The following BNC2 variants were observed in gnomAD, a reference collection of about 807,000 sequenced individuals.
BNC2 encodes zinc finger protein basonuclin-2.
Under a neutral mutation model 76.3 loss-of-function variants are expected in BNC2, and 20 were observed. The ratio of observed to expected loss-of-function variants is 0.26; its 90% CI spans 0.18 to 0.38. The LOEUF is 0.38. Among genes scored for constraint, BNC2 ranks in the 10% least tolerant of loss-of-function variants. The pLI is 1.00. For missense variants in BNC2, 1,382 were observed against 1,399.8 expected (o/e 0.99, Z 0.20); for synonymous variants, 582 against 514.8 (o/e 1.13, Z -1.77).
intron 4 of BNC2, among the ~76,000 whole-genome samples, chr9:16,559,512 T>C (rs1290734073): frequency 6.6e-6 from 1 of 152,244 alleles, no homozygotes; most frequent in Non-Finnish European, 1.5e-5. Context: ...TAAGGTCACT[T>C]AGCAACTTCA....
chr9:16,589,635 A>G (rs566877347), intron 3 of BNC2, among the ~76,000 whole-genome samples: 3 of 151,996 alleles, frequency 2.0e-5, no homozygotes, highest in Admixed American at 6.6e-5. Flanking sequence ...CAGCCTCCTG[A>G]GTAGCTGGGA....
chr9:16,655,750 C>T (rs1343890928), intron 3 of BNC2, among the ~76,000 whole-genome samples: 1 of 152,190 alleles, frequency 6.6e-6, no homozygotes, highest in Non-Finnish European at 1.5e-5. Context: ...AACTACCAAA[C>T]TGTTCCAAAT....
In BNC2 at chr9:16,659,305, G is replaced by A. The variant is rs549712181; in HGVS notation, c.330+68492C>T. ...AGGACCCCTGTTCACTGGCAACCAC[G>A]CTGCTTCTCAAAATCCCAAGCTTGC... On this transcript the variant is annotated intron_variant, in intron 3 of 6. Coordinates refer to ENST00000380672, the MANE Select transcript of BNC2 (RefSeq NM_017637.6). 3.9e-5 allele frequency among the ~76,000 whole-genome samples: 6 copies of A among 152,236 alleles called. No individual in the cohort carries two copies. In the East Asian group the frequency reaches 5.8e-4, roughly 15 times the overall value.
At chr9:16,440,558 C>T (rs1021075621) in intron 5 of BNC2, among the ~76,000 whole-genome samples, 1 of 151,692 alleles carries the variant, frequency 6.6e-6, no homozygotes, top group African/African-American at 2.4e-5. Context: ...CAGTGATATA[C>T]TTATACAACT....
In BNC2 at chr9:16,435,712, A is replaced by C; in HGVS notation, c.2482T>G (p.Ser828Ala). ...QKFSPEGDLC[S>A]SPDPKICYVC... Reference sequence around the variant, plus strand: ...TAACAGATTTTGGGGTCTGGGCTAGAACATAGGTCACCTTCTGGGGAGAAC... The same window carrying C: ...TAACAGATTTTGGGGTCTGGGCTAGCACATAGGTCACCTTCTGGGGAGAAC... The change falls in exon 6 of 7, where the codon TCT (serine) becomes GCT (alanine). Residue 828 changes from serine to alanine, a missense_variant. Physicochemically the swap from Ser to Ala is moderately conservative, Grantham distance 99. Transcript: ENST00000380672. 1 of 1,614,140 alleles carries C rather than the reference A, an allele frequency of 6.2e-7. No homozygotes were observed. The highest frequency in any genetic ancestry group is 1.6e-4 in the Middle Eastern group (1 of 6,062).
chr9:16,688,635 T>G (rs1436021522), intron 3 of BNC2, among the ~76,000 whole-genome samples: 1 of 152,230 alleles, frequency 6.6e-6, no homozygotes, highest in African/African-American at 2.4e-5. Context: ...TACTTAACTT[T>G]TATTCTTTTT....
intron 5 of BNC2, among the ~76,000 whole-genome samples, chr9:16,546,109 C>A (rs2132445611): frequency 6.6e-6 from 1 of 152,258 alleles, no homozygotes; most frequent in East Asian, 1.9e-4. Flanking sequence ...ACTGATATTT[C>A]TCTGTTATAA....
At chr9:16,768,375 A>G (rs1825750292) in intron 1 of BNC2, among the ~76,000 whole-genome samples, 1 of 152,176 alleles carries the variant, frequency 6.6e-6, no homozygotes, top group African/African-American at 2.4e-5. Flanking sequence ...CAATCTTCCT[A>G]TTCAGAAGAT....
chr9:16,489,895 G>A (rs1032062490), intron 5 of BNC2, among the ~76,000 whole-genome samples: 10 of 152,280 alleles, frequency 6.6e-5, no homozygotes, highest in African/African-American at 2.4e-4. Flanking sequence ...AAGAGCCCTC[G>A]TGTATCTGCC....
chr9:16,511,159 G>C (rs557496193), intron 5 of BNC2, among the ~76,000 whole-genome samples: 1 of 149,212 alleles, frequency 6.7e-6, no homozygotes, highest in South Asian at 2.1e-4. Context: ...ACCCAGGCTG[G>C]AGTGCAGTGG....
At chr9:16,745,746 G>A (rs146066368) in intron 1 of BNC2, among the ~76,000 whole-genome samples, 4 of 152,136 alleles carry the variant, frequency 2.6e-5, no homozygotes, top group African/African-American at 4.8e-5. Flanking sequence ...TTACTTTTCC[G>A]TTTTCCTAAA....
rs1409502539 is a variant in BNC2 at position 16,552,776 on chromosome 9, C to T, written c.434-11G>A. On this transcript the variant is annotated splice_polypyrimidine_tract_variant and intron_variant, in intron 4 of 6. Transcript: ENST00000380672. Reference sequence around the variant, plus strand: ...TGAGCTTATCCAAGGCTGTGGTGGTCCCGCCAAAGTTCCAGAGATGGGGGT... The same window carrying T: ...TGAGCTTATCCAAGGCTGTGGTGGTTCCGCCAAAGTTCCAGAGATGGGGGT... 6.2e-7 allele frequency: 1 copy of T among 1,609,650 alleles called. No individual in the cohort carries two copies. The highest frequency in any genetic ancestry group is 1.3e-5 in the African/African-American group (1 of 74,720).
At chr9:16,617,547 A>G (rs1563865757) in intron 3 of BNC2, among the ~76,000 whole-genome samples, 1 of 150,614 alleles carries the variant, frequency 6.6e-6, no homozygotes, top group Non-Finnish European at 1.5e-5. Flanking sequence ...AAAAAAAACC[A>G]CGATTATCTA....
chr9:16,458,099 G>C (rs1821494551), intron 5 of BNC2, among the ~76,000 whole-genome samples: 1 of 151,848 alleles, frequency 6.6e-6, no homozygotes. Context: ...CAGTTAGGTT[G>C]AGTTAAAAAA....
At chr9:16,428,390 T>C (rs1820840861) in intron 6 of BNC2, among the ~76,000 whole-genome samples, 1 of 152,188 alleles carries the variant, frequency 6.6e-6, no homozygotes, top group South Asian at 2.1e-4. Context: ...ATGGGTCTTG[T>C]TTTACTTACG....
At chr9:16,733,778 G>C (rs2135065108) in intron 2 of BNC2, among the ~76,000 whole-genome samples, 1 of 152,132 alleles carries the variant, frequency 6.6e-6, no homozygotes, top group East Asian at 1.9e-4. Flanking sequence ...CAGCTACTCA[G>C]GAGGCTGAGG....
intron 1 of BNC2, among the ~76,000 whole-genome samples, chr9:16,808,479 C>CT (rs768028981): frequency 0.024 from 1,921 of 78,668 alleles, 301 homozygotes; most frequent in African/African-American, 0.078. Flanking sequence ...TCTTGGGCAA[C>CT]TTTTTTTTTT....
chr9:16,594,000 C>T (rs889243183), intron 3 of BNC2, among the ~76,000 whole-genome samples: 9 of 151,860 alleles, frequency 5.9e-5, no homozygotes, highest in African/African-American at 2.2e-4. Context: ...TTCACTAATG[C>T]AATTTGAAAG....
intron 1 of BNC2, among the ~76,000 whole-genome samples, chr9:16,808,717 C>T (rs1817973716): frequency 6.6e-6 from 1 of 151,090 alleles, no homozygotes; most frequent in Non-Finnish European, 1.5e-5. Context: ...ATTTCAACTT[C>T]AATTTTCCTA....
Sources: allele counts gnomAD v4.1 joint callset (sites outside exome capture counted in the v4.1 genomes callset), GRCh38; gene constraint gnomAD v4.1.1; transcripts MANE v1.5; gene names NCBI Gene and HGNC (gene_info 2026-07-23, HGNC 2026-07-21).